The following POLE variants were observed in gnomAD, a reference collection of about 807,000 sequenced individuals.
POLE encodes the protein DNA polymerase epsilon catalytic subunit A.
Under a neutral mutation model 279.2 loss-of-function variants are expected in POLE, and 188 were observed. That is an observed-to-expected ratio of 0.67 (90% confidence interval 0.60 to 0.76). The LOEUF is 0.76. Among genes scored for constraint, POLE ranks in the 30% least tolerant of loss-of-function variants. The probability of loss-of-function intolerance (pLI) is 0.00; values close to 1 mark genes in which losing one functional copy is unlikely to be tolerated. For missense variants in POLE, 2,703 were observed against 3,016.7 expected (o/e 0.90, Z 2.44); for synonymous variants, 1,214 against 1,172.5 (o/e 1.04, Z -0.72).
intron 20 of POLE, among the ~76,000 whole-genome samples, chr12:132,665,690 T>C (rs938212170): frequency 6.6e-6 from 1 of 152,194 alleles, no homozygotes; most frequent in Admixed American, 6.5e-5. Flanking sequence ...GATTTCACGG[T>C]CTGACATCCT....
chr12:132,642,862 C>G lies in POLE; in HGVS notation c.4686G>C (p.Lys1562Asn), dbSNP rs772115782. The change falls in exon 36 of 49, where the codon AAG (lysine) becomes AAC (asparagine). Residue 1562 changes from lysine to asparagine, a missense_variant. This residue lies in a region of POLE where 1,551 missense variants were observed against 1,686.1 expected (regional missense o/e 0.92). Transcript: ENST00000320574. ...TFEVRAETDL[K>N]TICRAIQRFL... Reference sequence around the variant, plus strand: ...ATCGCTGGATGGCTCTGCAGATGGTCTTCAGGTCAGTTTCTGCCCGAACTT... The same window carrying G: ...ATCGCTGGATGGCTCTGCAGATGGTGTTCAGGTCAGTTTCTGCCCGAACTT... 2 of 1,614,086 alleles carry G rather than the reference C, an allele frequency of 1.2e-6. No homozygotes were observed. The highest frequency in any genetic ancestry group is 1.1e-5 in the South Asian group (1 of 91,076).
At position 132,634,490 on chromosome 12, in the gene POLE, G is replaced by A; in HGVS notation, c.5812-112C>T. 1 of 1,044,830 alleles carries A rather than the reference G, an allele frequency of 9.6e-7. No individual in the cohort carries two copies. Among genetic ancestry groups the A allele is most frequent in the Non-Finnish European group, 1.4e-6 (1 of 704,428 alleles). The allele number at this position is 1,044,830 out of a possible 1,614,324, so 64.7% of individuals were successfully genotyped here. On this transcript the variant is annotated intron_variant, in intron 42 of 48. Transcript: ENST00000320574. The surrounding 1 kb of genome is among the most constrained non-coding windows in gnomAD (Gnocchi z 4.0). ...TGGGTCCATCTGCCCCGTTTGACCA[G>A]AGGCCTTCCTCGCAGTCAAGGCATC... is the stretch of plus-strand genomic sequence containing the variant.
At position 132,676,632 on chromosome 12, in the gene POLE, C is replaced by G. The variant is rs879254218; in HGVS notation, c.823G>C (p.Asp275His). 6.2e-7 allele frequency: 1 copy of G among 1,613,198 alleles called. No homozygotes were observed. The highest frequency in any genetic ancestry group is 8.5e-7 in the Non-Finnish European group (1 of 1,179,238). ...ERPDPVVLAF[D>H]IETTKLPLKF... The stretch of plus-strand genomic sequence containing the variant: ...AGGGGCAGTTTGGTCGTCTCAATGT[C>G]AAATGCCAAAACCACAGGGTCCTGT... The change falls in exon 9 of 49, where the codon GAC (aspartate) becomes CAC (histidine). Residue 275 changes from aspartate to histidine, a missense_variant. This residue lies in a region of POLE where 1,011 missense variants were observed against 1,111.7 expected (regional missense o/e 0.91). Coordinates refer to ENST00000320574, the MANE Select transcript of POLE (RefSeq NM_006231.4).
rs773110517 is a variant in POLE at position 132,643,521 on chromosome 12, C to A, written c.4330G>T (p.Val1444Leu). Residue 1444 changes from valine (V) to leucine (L), a missense_variant, in exon 34 of 49, where the codon GTG (valine) becomes TTG (leucine). This residue lies in a region of POLE where 1,551 missense variants were observed against 1,686.1 expected (regional missense o/e 0.92). Coordinates refer to ENST00000320574, the MANE Select transcript of POLE (RefSeq NM_006231.4). ...ACCAGCTGTTTATTGACCACACACA[C>A]ACAGCCCAGGTGCACCAGGGCCCGG... ...LFRALVHLGC[V>L]CVVNKQLVRH... The A allele has an allele frequency of 5.6e-6, 9 of 1,614,172 alleles. No individual in the cohort carries two copies. Among genetic ancestry groups the A allele is most frequent in the Non-Finnish European group, 7.6e-6 (9 of 1,180,026 alleles).
chr12:132,633,893 G>A (rs1211159025), intron 43 of POLE: 2 of 320,446 alleles, frequency 6.2e-6, no homozygotes, highest in South Asian at 1.0e-4. Flanking sequence ...CAGATGGCGG[G>A]AGCAGAGCTA....
chr12:132,629,358 A>G (rs1418787142), intron 45 of POLE, among the ~76,000 whole-genome samples: 1 of 152,230 alleles, frequency 6.6e-6, no homozygotes, highest in Admixed American at 6.5e-5. Context: ...CTCTCTAGCT[A>G]TGAAAGTCCT....
At position 132,676,561 on chromosome 12, in the gene POLE, G is replaced by A. The variant is rs1555229404; in HGVS notation, c.894C>T (p.Tyr298=). Residue 298 remains tyrosine, a synonymous_variant, in exon 9 of 49, where the codon TAC becomes TAT. Coordinates refer to ENST00000320574, the MANE Select transcript of POLE (RefSeq NM_006231.4). ...ACCTGCTCACCTGGCCATCGATCAT[G>A]TAGGAAATCATCATAATCTGGTCTG... is the stretch of plus-strand genomic sequence containing the variant. ...AETDQIMMIS[Y]MIDGQGYLIT... The A allele has an allele frequency of 6.2e-7, 1 of 1,612,812 alleles. No homozygotes were observed. The highest frequency in any genetic ancestry group is 1.7e-5 in the Admixed American group (1 of 60,014).
chr12:132,663,065 CCATCAG>C (rs2042714461), intron 23 of POLE, among the ~76,000 whole-genome samples: 1 of 152,188 alleles, frequency 6.6e-6, no homozygotes, highest in African/African-American at 2.4e-5. Context: ...CAAACACAGC[CCATCAG>C]CAACGCTAAC....
chr12:132,635,813 C>G (rs2042020062), intron 42 of POLE, 79 bp downstream of exon 42: 1 of 1,488,590 alleles, frequency 6.7e-7, no homozygotes, highest in East Asian at 2.3e-5. Flanking sequence ...CCCGCCGGGG[C>G]CCTGAGCACT....
At position 132,680,591 on chromosome 12, in the gene POLE, G is replaced by A. The variant is rs369570991; in HGVS notation, c.285+16C>T. On this transcript the variant is annotated intron_variant, in intron 3 of 48. Transcript: ENST00000320574. ...CCATAAAAGTGGGTTTTAGCTTGTC[G>A]CAGTCAGGGGCTTACCTTAAATCTG... The A allele has an allele frequency of 6.2e-6, 10 of 1,603,804 alleles. No individual in the cohort carries two copies. The highest frequency in any genetic ancestry group is 2.2e-5 in the East Asian group (1 of 44,830).
rs1180528618 is a variant in POLE at position 132,624,360 on chromosome 12, C to T, written c.*337G>A. The T allele has an allele frequency of 3.3e-5, 13 of 397,492 alleles. No individual in the cohort carries two copies. Among genetic ancestry groups the T allele is most frequent in the South Asian group, 2.9e-4 (9 of 30,624 alleles). The allele number at this position is 397,492 out of a possible 1,614,324, so 24.6% of individuals were successfully genotyped here. Reference sequence around the variant, plus strand: ...CAAAGAACTAGGGGCACCTAGAGGACGCTCCCACCCCACCAGGTGTGGTGC... The same window carrying T: ...CAAAGAACTAGGGGCACCTAGAGGATGCTCCCACCCCACCAGGTGTGGTGC... On this transcript the variant is annotated 3_prime_UTR_variant, in exon 49 of 49. Coordinates refer to ENST00000320574, the MANE Select transcript of POLE (RefSeq NM_006231.4).
chr12:132,686,444 C>G (rs1431546339), intron 1 of POLE, among the ~76,000 whole-genome samples: 1 of 151,944 alleles, frequency 6.6e-6, no homozygotes, highest in African/African-American at 2.4e-5. Flanking sequence ...CTTGTTTTTA[C>G]AAGAGAAGGG....
At position 132,687,160 on chromosome 12, in the gene POLE, G is replaced by C. The variant is rs1234462604; in HGVS notation, c.62+94C>G. On this transcript the variant is annotated intron_variant, in intron 1 of 48. Transcript: ENST00000320574. ...GCGAGTGCGGGCGGCTGCGGGAACC[G>C]GGCCTCCCTCCCGCCTCGGCGGCGC... is the stretch of plus-strand genomic sequence containing the variant. 16 of 740,414 alleles carry C rather than the reference G, an allele frequency of 2.2e-5. No homozygotes were observed. The East Asian group carries it at 4.3e-4, about 20-fold the overall frequency. The allele number at this position is 740,414 out of a possible 1,614,324, so 45.9% of individuals were successfully genotyped here. A position where few individuals can be genotyped will look rare whatever the true frequency, so the allele number is the denominator to read the frequency against.
intron 29 of POLE, among the ~76,000 whole-genome samples, chr12:132,653,583 A>G (rs2042469498): frequency 6.6e-6 from 1 of 152,256 alleles, no homozygotes; most frequent in East Asian, 1.9e-4. Context: ...CACAAAATCT[A>G]GGTTTCCTTA....
chr12:132,681,130 G>C lies in POLE; in HGVS notation c.204+8C>G, dbSNP rs749595462. ...TATTCCTGGGTGGGAGAAGGACCTAGTGCTTACAGGATGCATGTTAATGAG... is the reference window on the plus strand; with the variant it reads ...TATTCCTGGGTGGGAGAAGGACCTACTGCTTACAGGATGCATGTTAATGAG... On this transcript the variant is annotated splice_region_variant and intron_variant, in intron 2 of 48. Transcript: ENST00000320574. 6.2e-7 allele frequency: 1 copy of C among 1,613,994 alleles called. No homozygotes were observed. Among genetic ancestry groups the C allele is most frequent in the East Asian group, 2.2e-5 (1 of 44,878 alleles).
intron 26 of POLE, among the ~76,000 whole-genome samples, chr12:132,659,072 C>A (rs1450309112): frequency 6.6e-6 from 1 of 152,176 alleles, no homozygotes; most frequent in African/African-American, 2.4e-5. Flanking sequence ...TCATTCCCTA[C>A]AAAATGGCAA....
intron 45 of POLE, among the ~76,000 whole-genome samples, chr12:132,628,000 G>T (rs1450154903): frequency 6.6e-6 from 1 of 152,202 alleles, no homozygotes; most frequent in African/African-American, 2.4e-5. Context: ...TAAGTTTATG[G>T]AATATTCTCA....
chr12:132,632,185 CCTTAT>C, intron 45 of POLE, 125 bp downstream of exon 45: 1 of 707,506 alleles, frequency 1.4e-6, no homozygotes, highest in South Asian at 1.8e-5. Context: ...ATGTCGGTGT[CCTTAT>C]CTTGCACACA....
rs2135956784 is a variant in POLE at position 132,664,067 on chromosome 12, G to A, written c.2643C>T (p.Thr881=). The A allele has an allele frequency of 6.2e-7, 1 of 1,614,162 alleles. No individual in the cohort carries two copies. Among genetic ancestry groups the A allele is most frequent in the Non-Finnish European group, 8.5e-7 (1 of 1,180,004 alleles). The change falls in exon 23 of 49, where the codon ACC becomes ACT. Residue 881 remains threonine, a synonymous_variant. Coordinates refer to ENST00000320574, the MANE Select transcript of POLE (RefSeq NM_006231.4). This position sits in a 1 kb window ranked among gnomAD's most constrained non-coding sequence, Gnocchi z 5.3. Reference sequence around the variant, plus strand: ...TGGTCACTTTGGGCTTCTTCACATTGGTCGTCTTGAAGACAAAATTTTCTG... The same window carrying A: ...TGGTCACTTTGGGCTTCTTCACATTAGTCGTCTTGAAGACAAAATTTTCTG... ...SFPENFVFKT[T]NVKKPKVTIS...
Sources: allele counts gnomAD v4.1 joint callset (sites outside exome capture counted in the v4.1 genomes callset), GRCh38; gene constraint gnomAD v4.1.1; regional missense constraint gnomAD v4.1.1; non-coding constraint Gnocchi (gnomAD v3.1); transcripts MANE v1.5; gene names NCBI Gene and HGNC (gene_info 2026-07-23, HGNC 2026-07-21).